PTPRT: variants seen among roughly 807,000 people sequenced by gnomAD.
PTPRT encodes the protein receptor-type tyrosine-protein phosphatase T.
Under a neutral mutation model 176.8 loss-of-function variants are expected in PTPRT, and 56 were observed. The observed-to-expected ratio is 0.32, with a 90% CI of 0.26 to 0.40. The LOEUF (loss-of-function observed/expected upper bound fraction) is 0.40, where lower values mean the gene tolerates loss of function less well. PTPRT is among the 10% of genes least tolerant of loss of function. The pLI is 1.00. For synonymous variants in PTPRT, 783 were observed against 739.0 expected (o/e 1.06, Z -0.96); for missense variants, 1,540 against 1,908.2 (o/e 0.81, Z 3.60).
chr20:42,915,146 C>G (rs987413150), intron 1 of PTPRT, among the ~76,000 whole-genome samples: 3 of 152,194 alleles, frequency 2.0e-5, no homozygotes, highest in African/African-American at 4.8e-5. Flanking sequence ...GTGGTCAGAG[C>G]AAAGAGAAAA....
the PTPRT span, among the ~76,000 whole-genome samples, chr20:42,054,749 C>T: frequency 6.6e-6 from 1 of 152,182 alleles, no homozygotes; most frequent in African/African-American, 2.4e-5. Context: ...AAGGTCTACT[C>T]AGCTCTCTAC....
chr20:42,196,500 T>C (rs1373691824), intron 16 of PTPRT, among the ~76,000 whole-genome samples: 2 of 152,238 alleles, frequency 1.3e-5, no homozygotes, highest in Non-Finnish European at 2.9e-5. Flanking sequence ...TTTAGCTATT[T>C]GAAAATATAC....
At chr20:42,552,729 T>C (rs1483493919) in intron 7 of PTPRT, among the ~76,000 whole-genome samples, 1 of 152,132 alleles carries the variant, frequency 6.6e-6, no homozygotes, top group African/African-American at 2.4e-5. Flanking sequence ...ACATAAACTG[T>C]TCTTACAAAT....
At chr20:42,565,601 G>A (rs1014253761) in intron 7 of PTPRT, among the ~76,000 whole-genome samples, 2 of 151,964 alleles carry the variant, frequency 1.3e-5, no homozygotes, top group Non-Finnish European at 2.9e-5. Context: ...ACGAATTTGG[G>A]GAAAAGCCTA....
At chr20:42,564,373 G>A (rs1222600363) in intron 7 of PTPRT, among the ~76,000 whole-genome samples, 1 of 152,198 alleles carries the variant, frequency 6.6e-6, no homozygotes, top group African/African-American at 2.4e-5. Context: ...ATATTTGCAG[G>A]TTCTGCATCT....
At position 42,813,500 on chromosome 20, in the gene PTPRT, G is replaced by T. The variant is rs535674621; in HGVS notation, c.215-22034C>A. Among the ~76,000 whole-genome samples, 105 of 142,356 alleles carry T rather than the reference G, an allele frequency of 7.4e-4. 1 individual carries two copies. The highest frequency in any genetic ancestry group is 2.6e-3 in the African/African-American group (99 of 38,064). The allele number at this position is 142,356 out of a possible 152,430, so 93.4% of individuals were successfully genotyped here. A position where few individuals can be genotyped will look rare whatever the true frequency, so the allele number is the denominator to read the frequency against. The stretch of plus-strand genomic sequence containing the variant: ...TTTATTTTTTTCAAAATTAGTATTT[G>T]TGGTATGCTTTAATGTTGCCATGAC... On this transcript the variant is annotated intron_variant, in intron 2 of 30. Coordinates refer to ENST00000373187, the MANE Select transcript of PTPRT (RefSeq NM_007050.6).
intron 14 of PTPRT, among the ~76,000 whole-genome samples, chr20:42,238,195 G>A (rs1418543691): frequency 2.6e-5 from 4 of 152,142 alleles, no homozygotes; most frequent in African/African-American, 4.8e-5. Flanking sequence ...GGCGGGACAT[G>A]AGCCCAGAGC....
chr20:42,198,944 C>T (rs1162230592), intron 16 of PTPRT, among the ~76,000 whole-genome samples: 1 of 152,170 alleles, frequency 6.6e-6, no homozygotes, highest in Non-Finnish European at 1.5e-5. Flanking sequence ...CATCCTCCTC[C>T]TCTTTCTTTT....
Position 42,140,981 on chromosome 20 carries a change from C to T in PTPRT, c.2770+934G>A, listed in dbSNP as rs531516494. Among the ~76,000 whole-genome samples the T allele has an allele frequency of 1.2e-4, 19 of 152,262 alleles. 1 individual carries two copies. The South Asian group carries it at 4.0e-3, about 32-fold the overall frequency. ...CAGAGGTCAAGTAACTTTCCCAGGG[C>T]CCTACAGTTGGGATAGAAACCTGGG... On this transcript the variant is annotated intron_variant, in intron 18 of 30. Coordinates refer to ENST00000373187, the MANE Select transcript of PTPRT (RefSeq NM_007050.6).
At chr20:42,958,777 G>A (rs1020467067) in intron 1 of PTPRT, among the ~76,000 whole-genome samples, 4 of 152,096 alleles carry the variant, frequency 2.6e-5, no homozygotes, top group African/African-American at 7.2e-5. Context: ...ACACCAAGAT[G>A]TATTGTCACC....
chr20:43,136,731 T>C (rs1354926508), intron 1 of PTPRT, among the ~76,000 whole-genome samples: 1 of 152,250 alleles, frequency 6.6e-6, no homozygotes, highest in Non-Finnish European at 1.5e-5. Flanking sequence ...GTGCCTCAGC[T>C]AGTAAGCGCT....
intron 18 of PTPRT, among the ~76,000 whole-genome samples, chr20:42,135,674 C>T (rs1401739053): frequency 6.6e-6 from 1 of 152,154 alleles, no homozygotes; most frequent in Non-Finnish European, 1.5e-5. Flanking sequence ...GGAAATTTAG[C>T]TGTGTGAAAA....
chr20:42,779,513 A>G (rs1053123045), intron 4 of PTPRT, among the ~76,000 whole-genome samples: 5 of 152,166 alleles, frequency 3.3e-5, no homozygotes, highest in African/African-American at 9.7e-5. Context: ...AGTCCCCCCA[A>G]CCAAATGTCA....
At chr20:42,515,796 C>A (rs916812748) in intron 7 of PTPRT, among the ~76,000 whole-genome samples, 1 of 151,804 alleles carries the variant, frequency 6.6e-6, no homozygotes, top group African/African-American at 2.4e-5. Context: ...TATAAAGACA[C>A]ATGCACACGT....
At chr20:43,012,864 G>C (rs1379320613) in intron 1 of PTPRT, among the ~76,000 whole-genome samples, 1 of 152,038 alleles carries the variant, frequency 6.6e-6, no homozygotes, top group Non-Finnish European at 1.5e-5. Context: ...GTGGAACTGA[G>C]TCTGTGGTGC....
intron 1 of PTPRT, among the ~76,000 whole-genome samples, chr20:42,945,985 C>T (rs981067069): frequency 3.3e-5 from 5 of 152,128 alleles, no homozygotes; most frequent in South Asian, 2.1e-4. Flanking sequence ...TCATACAATA[C>T]GCAACCTTCT....
intron 25 of PTPRT, among the ~76,000 whole-genome samples, chr20:42,103,869 A>G (rs1986175975): frequency 6.6e-6 from 1 of 152,222 alleles, no homozygotes; most frequent in Non-Finnish European, 1.5e-5. Flanking sequence ...AGTACCAGCA[A>G]TCCCTGAGTG....
chr20:42,055,346 A>G, the PTPRT span, among the ~76,000 whole-genome samples: 1 of 152,336 alleles, frequency 6.6e-6, no homozygotes, highest in African/African-American at 2.4e-5. Context: ...AAACTCATGC[A>G]TTCTTTTGAT....
At chr20:42,588,039 AGGC>A (rs2073502365) in intron 7 of PTPRT, among the ~76,000 whole-genome samples, 3 of 152,170 alleles carry the variant, frequency 2.0e-5, no homozygotes, top group African/African-American at 7.2e-5. Context: ...TTTCCCCAGT[AGGC>A]ATCTTGTCAG....
Sources: allele counts gnomAD v4.1 joint callset (sites outside exome capture counted in the v4.1 genomes callset), GRCh38; gene constraint gnomAD v4.1.1; transcripts MANE v1.5; gene names NCBI Gene and HGNC (gene_info 2026-07-23, HGNC 2026-07-21).